The following COL22A1 variants were observed in gnomAD, a reference collection of about 807,000 sequenced individuals.
COL22A1 encodes collagen type XXII alpha 1 chain.
A neutral mutation model predicts 248.9 loss-of-function variants in COL22A1; 221 were observed. The observed-to-expected ratio is 0.89, with a 90% confidence interval of 0.80 to 0.99. COL22A1 has a LOEUF of 0.99. COL22A1 is among the 50% of genes least tolerant of loss of function. The pLI is 0.00. For missense variants in COL22A1, 2,240 were observed against 2,179.0 expected, an observed-to-expected ratio of 1.03 and a Z score of -0.56; for synonymous variants, 891 against 793.4, an observed-to-expected ratio of 1.12 and a Z score of -2.07.
At chr8:138,687,284 A>C (rs146148315) in intron 37 of COL22A1, among the ~76,000 whole-genome samples, 1 of 152,302 alleles carries the variant, frequency 6.6e-6, no homozygotes, top group African/African-American at 2.4e-5. Flanking sequence ...GCCTATGATC[A>C]ACACTCCAAA....
chr8:138,819,255 C>T (rs950377136), intron 7 of COL22A1, among the ~76,000 whole-genome samples: 1 of 151,934 alleles, frequency 6.6e-6, no homozygotes, highest in African/African-American at 2.4e-5. Context: ...TTTGACAGAC[C>T]AGGAAACAAT....
At chr8:138,861,824 T>C (rs1258535460) in intron 3 of COL22A1, among the ~76,000 whole-genome samples, 1 of 152,088 alleles carries the variant, frequency 6.6e-6, no homozygotes. Flanking sequence ...ATGTACAGTT[T>C]GCAAAAAATT....
At chr8:138,603,755 C>A (rs145540557) in intron 59 of COL22A1, among the ~76,000 whole-genome samples, 2 of 152,044 alleles carry the variant, frequency 1.3e-5, no homozygotes, top group African/African-American at 4.8e-5. Flanking sequence ...AAACACTTTC[C>A]GAATATGAAG....
At chr8:138,683,532 G>C (rs1826113061) in intron 39 of COL22A1, among the ~76,000 whole-genome samples, 1 of 152,164 alleles carries the variant, frequency 6.6e-6, no homozygotes, top group African/African-American at 2.4e-5. Context: ...TCCCCTGTGT[G>C]ACTGTCACTA....
Position 138,817,425 on chromosome 8 carries a change from T to C in COL22A1, c.1245+3711A>G, listed in dbSNP as rs373483743. Among the ~76,000 whole-genome samples, 14 of 152,260 alleles carry C rather than the reference T, an allele frequency of 9.2e-5. 1 individual carries two copies. In the South Asian group the frequency reaches 1.9e-3, roughly 20 times the overall value. Reference sequence around the variant, plus strand: ...GTGGGTGTTGATGCCTGCTTGATAATGGATAGCACTGTCTCTGGTAGAGAC... The same window carrying C: ...GTGGGTGTTGATGCCTGCTTGATAACGGATAGCACTGTCTCTGGTAGAGAC... On this transcript the variant is annotated intron_variant, in intron 7 of 64. Coordinates refer to ENST00000303045, the MANE Select transcript of COL22A1 (RefSeq NM_152888.3).
intron 64 of COL22A1, among the ~76,000 whole-genome samples, chr8:138,591,057 C>T (rs1475342467): frequency 1.3e-5 from 2 of 152,114 alleles, no homozygotes; most frequent in East Asian, 1.9e-4. Context: ...TTTTTTAATG[C>T]GAGAGTCCTT....
chr8:138,908,085 C>T (rs903390518), intron 1 of COL22A1, among the ~76,000 whole-genome samples: 3 of 152,286 alleles, frequency 2.0e-5, no homozygotes, highest in South Asian at 2.1e-4. Context: ...ATAAACAATG[C>T]GGACCACAGC....
intron 3 of COL22A1, among the ~76,000 whole-genome samples, chr8:138,850,841 A>C (rs1821588221): frequency 6.6e-6 from 1 of 152,190 alleles, no homozygotes; most frequent in Non-Finnish European, 1.5e-5. Flanking sequence ...AGTTGTCCTA[A>C]AGGTTAAATA....
At chr8:138,595,048 A>ACTTTGT (rs1432021494) in intron 62 of COL22A1, among the ~76,000 whole-genome samples, 1 of 152,162 alleles carries the variant, frequency 6.6e-6, no homozygotes, top group Non-Finnish European at 1.5e-5. Flanking sequence ...CCATGCAGTC[A>ACTTTGT]TAGGTAATCA....
chr8:138,679,722 T>C, intron 39 of COL22A1, 46 bp from the exon 40 acceptor site: 2 of 1,550,930 alleles, frequency 1.3e-6, no homozygotes, highest in African/African-American at 1.4e-5. Context: ...AACAAATGTT[T>C]ACCAAGCACC....
At chr8:138,711,318 G>A (rs1230636694) in intron 30 of COL22A1, among the ~76,000 whole-genome samples, 1 of 152,188 alleles carries the variant, frequency 6.6e-6, no homozygotes, top group Non-Finnish European at 1.5e-5. Context: ...GACAGGCAAA[G>A]CACAGTCAGA....
At chr8:138,643,198 C>T (rs1821874971) in intron 47 of COL22A1, among the ~76,000 whole-genome samples, 1 of 152,180 alleles carries the variant, frequency 6.6e-6, no homozygotes, top group African/African-American at 2.4e-5. Flanking sequence ...GTAAGGAGTT[C>T]CAACATTTGA....
chr8:138,656,351 A>C (rs541737420), intron 44 of COL22A1, among the ~76,000 whole-genome samples: 12 of 152,242 alleles, frequency 7.9e-5, no homozygotes, highest in Non-Finnish European at 1.5e-4. Context: ...AGCTGTTACT[A>C]TCAGTCATCC....
intron 60 of COL22A1, among the ~76,000 whole-genome samples, chr8:138,601,095 A>G (rs1466317502): frequency 1.3e-5 from 2 of 151,940 alleles, no homozygotes; most frequent in African/African-American, 2.4e-5. Context: ...TGGTGGTCTG[A>G]GTTCCTTGGC....
chr8:138,685,983 A>G (rs1037245970), intron 37 of COL22A1, among the ~76,000 whole-genome samples: 1 of 149,872 alleles, frequency 6.7e-6, no homozygotes, highest in African/African-American at 2.5e-5. Context: ...TTCTGCTTGA[A>G]CTCCTCTGGG....
At chr8:138,628,832 C>G (rs1820475111) in intron 50 of COL22A1, among the ~76,000 whole-genome samples, 1 of 144,100 alleles carries the variant, frequency 6.9e-6, no homozygotes, top group Non-Finnish European at 1.5e-5. Flanking sequence ...GTGGCGCAAT[C>G]TCGGCTTACT....
rs545336733 is a variant in COL22A1 at position 138,896,856 on chromosome 8, C to A, written c.-72-13612G>T. ...AACGTGGTGGTGAGTGCCTGTAATC[C>A]CAGCTACTTGCGGGGCTGAGGCAGG... On this transcript the variant is annotated intron_variant, in intron 1 of 64. Transcript: ENST00000303045. Among the ~76,000 whole-genome samples, 6 of 152,124 alleles carry A rather than the reference C, an allele frequency of 3.9e-5. No homozygotes were observed. In the South Asian group the frequency reaches 1.2e-3, roughly 32 times the overall value.
At chr8:138,667,999 T>TA (rs78973729) in intron 41 of COL22A1, among the ~76,000 whole-genome samples, 7,542 of 143,606 alleles carry the variant, frequency 0.053, 414 homozygotes, top group African/African-American at 0.15. Context: ...TCTATCAGAC[T>TA]AAAAAAAAAA....
intron 1 of COL22A1, among the ~76,000 whole-genome samples, chr8:138,901,170 CAAAA>C (rs35437692): frequency 9.1e-6 from 1 of 109,930 alleles, no homozygotes. Flanking sequence ...CCACTGCTTT[CAAAA>C]AAAAAAAAAA....
Sources: allele counts gnomAD v4.1 joint callset (sites outside exome capture counted in the v4.1 genomes callset), GRCh38; gene constraint gnomAD v4.1.1; transcripts MANE v1.5; gene names NCBI Gene and HGNC (gene_info 2026-07-23, HGNC 2026-07-21).